Variants in IFI27 observed in about 807,000 individuals in gnomAD.
IFI27 encodes the protein interferon alpha-inducible protein 27, mitochondrial.
Under a neutral mutation model 8.9 loss-of-function variants are expected in IFI27, and 3 were observed. The ratio of observed to expected loss-of-function variants is 0.34; its 90% confidence interval spans 0.15 to 0.87. The LOEUF (loss-of-function observed/expected upper bound fraction) is 0.87. IFI27 is among the 40% of genes least tolerant of loss of function. IFI27 has a pLI of 0.51. For synonymous variants in IFI27, 66 were observed against 67.3 expected (o/e 0.98, Z 0.09); for missense variants, 152 against 157.7 (o/e 0.96, Z 0.19).
chr14:94,110,309 C>T (rs1407612988), upstream of IFI27, among the ~76,000 whole-genome samples: 4 of 152,212 alleles, frequency 2.6e-5, no homozygotes, highest in African/African-American at 7.2e-5. Context: ...CAGTCCTGTC[C>T]CAGTGCCTAG....
In IFI27 at chr14:94,111,795, T is replaced by C. The variant is rs1887200004; in HGVS notation, c.91+22T>C. The C allele has an allele frequency of 1.9e-6, 3 of 1,588,300 alleles. No individual in the cohort carries two copies. In the Admixed American group the frequency reaches 5.0e-5, roughly 26 times the overall value. ...CTGGGTGAGTGTTCCTGGGAGGGGCTGGTGCTGGGGGCGAGGAGGCGGCTG... is the reference window on the plus strand; with the variant it reads ...CTGGGTGAGTGTTCCTGGGAGGGGCCGGTGCTGGGGGCGAGGAGGCGGCTG... On this transcript the variant is annotated intron_variant, in intron 2 of 4. Coordinates refer to ENST00000621160, the Ensembl canonical transcript of IFI27. The surrounding 1 kb of genome is among the most constrained non-coding windows in gnomAD (Gnocchi z 4.3).
chr14:94,114,620 C>T (rs1245768023), intron 2 of IFI27: 2 of 563,012 alleles, frequency 3.6e-6, no homozygotes, highest in African/African-American at 3.7e-5. Flanking sequence ...AGGTCAGGGC[C>T]ACGTAAATTC....
At position 94,116,433 on chromosome 14, in the gene IFI27, T is replaced by G; in HGVS notation, c.284-9T>G. ...TGTCCCACTCTGTCCACCCTCTGCTTCTTCCCAGGAGCAACTGGACTCTCC... is the reference window on the plus strand; with the variant it reads ...TGTCCCACTCTGTCCACCCTCTGCTGCTTCCCAGGAGCAACTGGACTCTCC... On this transcript the variant is annotated splice_polypyrimidine_tract_variant and intron_variant, in intron 4 of 4. Coordinates refer to ENST00000621160, the Ensembl canonical transcript of IFI27. The surrounding 1 kb of genome is among the most constrained non-coding windows in gnomAD (Gnocchi z 4.3). The G allele has an allele frequency of 6.2e-7, 1 of 1,604,564 alleles. No individual in the cohort carries two copies. Among genetic ancestry groups the G allele is most frequent in the Non-Finnish European group, 8.5e-7 (1 of 1,173,510 alleles).
upstream of IFI27, among the ~76,000 whole-genome samples, chr14:94,110,056 C>A (rs932991624): frequency 6.6e-6 from 1 of 152,214 alleles, no homozygotes; most frequent in Non-Finnish European, 1.5e-5. Context: ...GCCTCTCTCC[C>A]CTGCCCACCT....
chr14:94,112,529 C>T (rs1334204979), intron 2 of IFI27, among the ~76,000 whole-genome samples: 1 of 152,238 alleles, frequency 6.6e-6, no homozygotes, highest in Non-Finnish European at 1.5e-5. Flanking sequence ...CTGCCCTTTA[C>T]CTTTCTGTCT....
Position 94,111,847 on chromosome 14 carries a change from C to A in IFI27, c.91+74C>A, listed in dbSNP as rs1887203971. 9 of 1,133,688 alleles carry A rather than the reference C, an allele frequency of 7.9e-6. No homozygotes were observed. The Admixed American group carries it at 1.5e-4, about 19-fold the overall frequency. The allele number at this position is 1,133,688 out of a possible 1,614,324, so 70.2% of individuals were successfully genotyped here. A position where few individuals can be genotyped will look rare whatever the true frequency, so the allele number is the denominator to read the frequency against. On this transcript the variant is annotated intron_variant, in intron 2 of 4. Transcript: ENST00000621160. This position sits in a 1 kb window ranked among gnomAD's most constrained non-coding sequence, Gnocchi z 4.3. ...GAAGGGCGGGGGTCCTGTCCCGGGACCCGTGGGAGAGAAAATGGGGGACAC... is the reference window on the plus strand; with the variant it reads ...GAAGGGCGGGGGTCCTGTCCCGGGAACCGTGGGAGAGAAAATGGGGGACAC...
intron 2 of IFI27, chr14:94,112,069 C>T: frequency 2.0e-6 from 1 of 508,062 alleles, no homozygotes. Flanking sequence ...CCACTCTCTT[C>T]AGCTCTCCCT....
intron 1 of IFI27, 192 bp downstream of exon 1, chr14:94,110,989 T>G (rs565412086): frequency 6.5e-6 from 1 of 154,498 alleles, no homozygotes; most frequent in Admixed American, 6.5e-5. Context: ...GTAAGGACAA[T>G]TAGCTTTGTC....
In IFI27 at chr14:94,116,127, T is replaced by C. The variant is rs1459169010; in HGVS notation, c.283+185T>C. 3.8e-6 allele frequency: 3 copies of C among 793,208 alleles called. No homozygotes were observed. Among genetic ancestry groups the C allele is most frequent in the South Asian group, 2.9e-5 (2 of 68,494 alleles). 49.1% of individuals were successfully genotyped at this position (793,208 alleles called of 1,614,324 possible). A position where few individuals can be genotyped will look rare whatever the true frequency, so the allele number is the denominator to read the frequency against. On this transcript the variant is annotated intron_variant, in intron 4 of 4. Coordinates refer to ENST00000621160, the Ensembl canonical transcript of IFI27. The surrounding 1 kb of genome is among the most constrained non-coding windows in gnomAD (Gnocchi z 4.3). ...GGGAAGGAGCCCAAGCCAGGAACAGTGCACTCAGGAAGACTCAGCCCGAAG... is the reference window on the plus strand; with the variant it reads ...GGGAAGGAGCCCAAGCCAGGAACAGCGCACTCAGGAAGACTCAGCCCGAAG...
chr14:94,114,872 T>C lies in IFI27; in HGVS notation c.113T>C (p.Ile38Thr), dbSNP rs556076005. 4.3e-6 allele frequency: 7 copies of C among 1,614,106 alleles called. 1 individual carries two copies. The South Asian group carries it at 7.7e-5, about 18-fold the overall frequency. Reference sequence around the variant, plus strand: ...CCAGCCAGGATTGCTACAGTTGTGATTGGAGGAGGTGAGTCTGTGGGGAAG... The same window carrying C: ...CCAGCCAGGATTGCTACAGTTGTGACTGGAGGAGGTGAGTCTGTGGGGAAG... The change falls in exon 3 of 5, where the codon ATT becomes ACT. Residue 38 changes from isoleucine (I) to threonine (T), a missense_variant. Transcript: ENST00000621160.
upstream of IFI27, among the ~76,000 whole-genome samples, chr14:94,106,238 A>T (rs1307027046): frequency 1.3e-5 from 2 of 152,226 alleles, no homozygotes; most frequent in African/African-American, 4.8e-5. Context: ...TCCATCTCCC[A>T]ATACCATCAC....
chr14:94,114,589 C>T (rs978358525), intron 2 of IFI27: 18 of 521,722 alleles, frequency 3.5e-5, no homozygotes, highest in Non-Finnish European at 5.8e-5. Context: ...CTGATTCCCC[C>T]GATCAACCAA....
rs751211229 is a variant in IFI27 at position 94,111,675 on chromosome 14, G to A, written c.-8G>A. ...ACTCTCTAGGCCACGGAATTAACCCGAGCAGGCATGGAGGCCTCTGCTCTC... is the reference window on the plus strand; with the variant it reads ...ACTCTCTAGGCCACGGAATTAACCCAAGCAGGCATGGAGGCCTCTGCTCTC... On this transcript the variant is annotated 5_prime_UTR_variant, in exon 2 of 5. Coordinates refer to ENST00000621160, the Ensembl canonical transcript of IFI27. This position sits in a 1 kb window ranked among gnomAD's most constrained non-coding sequence, Gnocchi z 4.3. 7 of 1,613,214 alleles carry A rather than the reference G, an allele frequency of 4.3e-6. No individual in the cohort carries two copies. The highest frequency in any genetic ancestry group is 4.2e-6 in the Non-Finnish European group (5 of 1,179,116).
At chr14:94,108,984 G>T (rs902247495), upstream of IFI27, among the ~76,000 whole-genome samples, 1 of 152,134 alleles carries the variant, frequency 6.6e-6, no homozygotes, top group African/African-American at 2.4e-5. Context: ...TATGCAAGTT[G>T]TTTTGAAAGA....
chr14:94,115,317 G>A (rs781364400), intron 3 of IFI27: 2 of 520,956 alleles, frequency 3.8e-6, no homozygotes, highest in South Asian at 3.1e-5. Context: ...CTTTGGTTTA[G>A]TTGCTTCCAG....
In IFI27 at chr14:94,111,904, A is replaced by AC; in HGVS notation, c.91+132dup. ...CCTTGCTGCCCTGTCCTGTCTTCTC[A>AC]CAGCAGGCGTCCACCCTAACTTTCC... On this transcript the variant is annotated intron_variant, in intron 2 of 4. Transcript: ENST00000621160. The surrounding 1 kb of genome is among the most constrained non-coding windows in gnomAD (Gnocchi z 4.3). 1 of 755,274 alleles carries AC rather than the reference A, an allele frequency of 1.3e-6. No individual in the cohort carries two copies. The highest frequency in any genetic ancestry group is 2.6e-5 in the East Asian group (1 of 38,112). The allele number at this position is 755,274 out of a possible 1,614,324, so 46.8% of individuals were successfully genotyped here.
At chr14:94,110,677 G>A (rs1355379523), upstream of IFI27, 6 of 152,260 alleles carry the variant, frequency 3.9e-5, no homozygotes, top group Non-Finnish European at 1.5e-5. Context: ...CCTGTGTCAA[G>A]GGGCAGTGCT....
Position 94,111,789 on chromosome 14 carries a change from AG to A in IFI27, c.91+20del. 6.3e-7 allele frequency: 1 copy of A among 1,599,470 alleles called. No homozygotes were observed. Among genetic ancestry groups the A allele is most frequent in the Non-Finnish European group, 8.6e-7 (1 of 1,166,940 alleles). On this transcript the variant is annotated intron_variant, in intron 2 of 4. Transcript: ENST00000621160. The surrounding 1 kb of genome is among the most constrained non-coding windows in gnomAD (Gnocchi z 4.3). The stretch of plus-strand genomic sequence containing the variant: ...TTGCCCCTGGGTGAGTGTTCCTGGG[AG>A]GGGCTGGTGCTGGGGGCGAGGAGGC...
chr14:94,114,863 C>T (rs1337674176), exon 3 of IFI27: 4 of 1,614,006 alleles, frequency 2.5e-6, no homozygotes, highest in African/African-American at 2.7e-5. Context: ...AGGATTGCTA[C>T]AGTTGTGATT....
Sources: gnomAD v4.1 joint callset for allele counts (sites outside exome capture counted in the v4.1 genomes callset) on GRCh38, gnomAD v4.1.1 for gene constraint, Gnocchi (gnomAD v3.1) non-coding constraint, MANE v1.5 for transcripts, NCBI Gene and HGNC (gene_info 2026-07-23, HGNC 2026-07-21) for gene names.